The following KIFAP3 variants were observed in gnomAD, a reference collection of about 807,000 sequenced individuals.
KIFAP3 encodes kinesin-associated protein 3.
A neutral mutation model predicts 106.5 loss-of-function variants in KIFAP3; 68 were observed. The ratio of observed to expected loss-of-function variants is 0.64; its 90% confidence interval spans 0.53 to 0.78. KIFAP3 has a LOEUF of 0.78. Ranked by LOEUF, KIFAP3 falls within the 30% of genes least tolerant of loss-of-function variation. KIFAP3 has a pLI of 0.00. For synonymous variants in KIFAP3, 320 were observed against 311.5 expected, an observed-to-expected ratio of 1.03 and a Z score of -0.29; for missense variants, 780 against 941.8, an observed-to-expected ratio of 0.83 and a Z score of 2.25.
chr1:169,944,725 G>A (rs79725244), intron 19 of KIFAP3, among the ~76,000 whole-genome samples: 2,022 of 152,266 alleles, frequency 0.013, 52 homozygotes, highest in African/African-American at 0.044. Context: ...CCTGATGAGT[G>A]TCCAGCTCTC....
At chr1:169,967,389 A>G (rs1293779087) in intron 17 of KIFAP3, among the ~76,000 whole-genome samples, 2 of 151,698 alleles carry the variant, frequency 1.3e-5, no homozygotes, top group African/African-American at 2.4e-5. Flanking sequence ...GGGAATCTCT[A>G]TCTTCTCTAT....
At chr1:169,966,982 C>T (rs1458810258) in intron 17 of KIFAP3, among the ~76,000 whole-genome samples, 1 of 151,510 alleles carries the variant, frequency 6.6e-6, no homozygotes, top group Non-Finnish European at 1.5e-5. Context: ...CTGTATAATG[C>T]TGACCATTTA....
chr1:169,964,733 A>G (rs952978193), intron 17 of KIFAP3, among the ~76,000 whole-genome samples: 1 of 152,212 alleles, frequency 6.6e-6, no homozygotes, highest in Non-Finnish European at 1.5e-5. Context: ...GGCTTCCAAA[A>G]TTAAATAAAA....
intron 1 of KIFAP3, among the ~76,000 whole-genome samples, chr1:170,059,009 C>T (rs972824226): frequency 1.3e-5 from 2 of 152,134 alleles, no homozygotes; most frequent in African/African-American, 4.8e-5. Flanking sequence ...CTCTGGGACA[C>T]ATTTAAAGCA....
At chr1:169,969,332 G>C (rs1327888509) in intron 17 of KIFAP3, among the ~76,000 whole-genome samples, 1 of 151,994 alleles carries the variant, frequency 6.6e-6, no homozygotes, top group Non-Finnish European at 1.5e-5. Context: ...TTACTGGCAA[G>C]ATTATTAATA....
At chr1:170,080,193 A>T (rs911236570) in intron 1 of KIFAP3, among the ~76,000 whole-genome samples, 1 of 152,114 alleles carries the variant, frequency 6.6e-6, no homozygotes, top group South Asian at 2.1e-4. Context: ...ATAAATATGT[A>T]GGGATAAATC....
At chr1:169,954,799 G>C (rs1457977637) in intron 18 of KIFAP3, among the ~76,000 whole-genome samples, 2 of 152,038 alleles carry the variant, frequency 1.3e-5, no homozygotes, top group African/African-American at 4.8e-5. Context: ...AGATATATCT[G>C]ATTACCTACG....
At chr1:170,040,858 C>T (rs1322978620) in intron 3 of KIFAP3, among the ~76,000 whole-genome samples, 7 of 149,912 alleles carry the variant, frequency 4.7e-5, no homozygotes, top group South Asian at 2.1e-4. Context: ...GATGGAGTCT[C>T]GCTCTGTGCC....
At chr1:169,938,168 T>TAAGC (rs1663913549) in intron 19 of KIFAP3, among the ~76,000 whole-genome samples, 2 of 151,976 alleles carry the variant, frequency 1.3e-5, no homozygotes, top group African/African-American at 4.8e-5. Context: ...ATAGAGACTG[T>TAAGC]GCTTAGATGG....
In KIFAP3 at chr1:169,981,942, T is replaced by A. The variant is rs773489536; in HGVS notation, c.1798+30A>T. ...TTTAAATCAATAAGCTGTTTAGACA[T>A]TAACATAAAAATAAATTAAGGTTAT... On this transcript the variant is annotated intron_variant, in intron 15 of 19. Coordinates refer to ENST00000361580, the MANE Select transcript of KIFAP3 (RefSeq NM_014970.4). The A allele has an allele frequency of 7.1e-6, 11 of 1,556,800 alleles. No homozygotes were observed. The South Asian group carries it at 1.1e-4, about 16-fold the overall frequency.
intron 12 of KIFAP3, among the ~76,000 whole-genome samples, chr1:169,984,363 T>C (rs1266866117): frequency 6.6e-6 from 1 of 151,858 alleles, no homozygotes; most frequent in African/African-American, 2.4e-5. Flanking sequence ...CAATTAAGGC[T>C]AACTCACCAT....
intron 1 of KIFAP3, among the ~76,000 whole-genome samples, chr1:170,080,121 C>T (rs1671997427): frequency 6.6e-6 from 1 of 151,912 alleles, no homozygotes; most frequent in Admixed American, 6.6e-5. Flanking sequence ...TTGACTTATA[C>T]TAGCAATGAA....
chr1:170,033,996 A>G (rs914054342), intron 7 of KIFAP3, among the ~76,000 whole-genome samples: 10 of 151,814 alleles, frequency 6.6e-5, no homozygotes, highest in African/African-American at 2.2e-4. Context: ...CATTCTAATC[A>G]AAGTCACCTT....
In KIFAP3 at chr1:170,060,741, C is replaced by T. The variant is rs372448572; in HGVS notation, c.33-5305G>A. 2.0e-4 allele frequency among the ~76,000 whole-genome samples: 30 copies of T among 152,274 alleles called. No individual in the cohort carries two copies. The East Asian group carries it at 4.6e-3, about 23-fold the overall frequency. On this transcript the variant is annotated intron_variant, in intron 1 of 19. Transcript: ENST00000361580. ...CAAAAGAACAAAGCTGGAGGCATCA[C>T]ACTACCTGATTTTAAACTATACTAC... is the stretch of plus-strand genomic sequence containing the variant.
At chr1:169,935,774 T>A (rs1571519014) in intron 19 of KIFAP3, among the ~76,000 whole-genome samples, 1 of 152,014 alleles carries the variant, frequency 6.6e-6, no homozygotes, top group Non-Finnish European at 1.5e-5. Context: ...CATAATTAAC[T>A]TTAATATTAG....
intron 19 of KIFAP3, among the ~76,000 whole-genome samples, chr1:169,949,617 C>G (rs1347798767): frequency 6.6e-6 from 1 of 152,080 alleles, no homozygotes; most frequent in African/African-American, 2.4e-5. Context: ...AAATATGGTG[C>G]AGATACATGG....
intron 12 of KIFAP3, among the ~76,000 whole-genome samples, chr1:169,983,756 T>C (rs1666649990): frequency 6.6e-6 from 1 of 151,894 alleles, no homozygotes; most frequent in Non-Finnish European, 1.5e-5. Context: ...AAAAATACTT[T>C]TGACTCAGAA....
intron 1 of KIFAP3, among the ~76,000 whole-genome samples, chr1:170,084,540 G>A (rs1444166121): frequency 6.6e-6 from 1 of 152,162 alleles, no homozygotes; most frequent in African/African-American, 2.4e-5. Flanking sequence ...TGGCACAAAA[G>A]GGAATAATCC....
chr1:169,952,900 C>G (rs554247998), intron 19 of KIFAP3, among the ~76,000 whole-genome samples: 10 of 152,012 alleles, frequency 6.6e-5, no homozygotes, highest in African/African-American at 2.2e-4. Flanking sequence ...AGAGTTATCG[C>G]ACATTGGTCA....
Sources: allele counts gnomAD v4.1 joint callset (sites outside exome capture counted in the v4.1 genomes callset), GRCh38; gene constraint gnomAD v4.1.1; transcripts MANE v1.5; gene names NCBI Gene and HGNC (gene_info 2026-07-23, HGNC 2026-07-21).